KIF13A: variants seen among roughly 807,000 people sequenced by gnomAD.
KIF13A encodes kinesin-like protein KIF13A.
KIF13A carries 79 observed loss-of-function variants against 212.2 expected under a neutral mutation model. The ratio of observed to expected loss-of-function variants is 0.37; its 90% CI spans 0.31 to 0.45. The LOEUF is 0.45. Ranked by LOEUF, KIF13A falls within the 20% of genes least tolerant of loss-of-function variation. KIF13A has a pLI of 1.00. For synonymous variants in KIF13A, 789 were observed against 808.6 expected (o/e 0.98, Z 0.41); for missense variants, 1,901 against 2,209.0 (o/e 0.86, Z 2.79).
chr6:17,919,740 C>G lies in KIF13A; in HGVS notation c.147-21560G>C, dbSNP rs1452581468. 6.6e-6 allele frequency among the ~76,000 whole-genome samples: 1 copy of G among 152,112 alleles called. No individual in the cohort carries two copies. The highest frequency in any genetic ancestry group is 1.5e-5 in the Non-Finnish European group (1 of 68,022). ...CAGCCGAACGGTGTCTCCTGGCAGC[C>G]CAATACTGTGACAAGAGGTGAAAGC... On this transcript the variant is annotated intron_variant, in intron 2 of 38. Transcript: ENST00000259711. The surrounding 1 kb of genome is among the most constrained non-coding windows in gnomAD (Gnocchi z 4.1).
chr6:17,952,395 G>A (rs1777937617), intron 2 of KIF13A, among the ~76,000 whole-genome samples: 1 of 152,108 alleles, frequency 6.6e-6, no homozygotes, highest in African/African-American at 2.4e-5. Flanking sequence ...CACTGCGGGT[G>A]GCTGGGGTTG....
intron 23 of KIF13A, among the ~76,000 whole-genome samples, chr6:17,795,266 G>A (rs568518596): frequency 2.0e-5 from 3 of 152,072 alleles, no homozygotes; most frequent in Admixed American, 2.0e-4. Context: ...GCAATTTGGG[G>A]ATACCATGAA....
chr6:17,780,786 C>T lies in KIF13A; in HGVS notation c.3790G>A (p.Ala1264Thr). Residue 1264 changes from alanine (A) to threonine (T), a missense_variant, in exon 31 of 39, where the codon GCT becomes ACT. Around this residue, in one of 5 missense-constraint regions of KIF13A, gnomAD observed 687 missense variants for 759.1 expected, o/e 0.90. Coordinates refer to ENST00000259711, the MANE Select transcript of KIF13A (RefSeq NM_022113.6). ...TTTCGTAATACTAACTCCATAGCAG[C>T]AGGGTGGCTGAGTTGAACTGTGGTT... is the stretch of plus-strand genomic sequence containing the variant. ...VKTTVQLSHP[A>T]AMELVLRKRI... 1.2e-6 allele frequency: 2 copies of T among 1,614,004 alleles called. No individual in the cohort carries two copies. Among genetic ancestry groups the T allele is most frequent in the South Asian group, 1.1e-5 (1 of 91,090 alleles).
Position 17,984,567 on chromosome 6 carries a change from T to C in KIF13A, c.146+2487A>G, listed in dbSNP as rs1781381707. 2.0e-6 allele frequency: 2 copies of C among 984,282 alleles called. No individual in the cohort carries two copies. Among genetic ancestry groups the C allele is most frequent in the East Asian group, 1.1e-4 (1 of 8,826 alleles). The allele number at this position is 984,282 out of a possible 1,614,324, so 61.0% of individuals were successfully genotyped here. Reference sequence around the variant, plus strand: ...TTGGTTTTGTAAAATGGGGAAACAATGAAAGCTGACCCCATCTGTTTTTTT... The same window carrying C: ...TTGGTTTTGTAAAATGGGGAAACAACGAAAGCTGACCCCATCTGTTTTTTT... On this transcript the variant is annotated intron_variant, in intron 2 of 38. Transcript: ENST00000259711. This position sits in a 1 kb window ranked among gnomAD's most constrained non-coding sequence, Gnocchi z 5.0.
intron 2 of KIF13A, among the ~76,000 whole-genome samples, chr6:17,979,279 C>T (rs996840895): frequency 1.3e-5 from 2 of 152,068 alleles, no homozygotes; most frequent in African/African-American, 2.4e-5. Flanking sequence ...GGCGACAGAA[C>T]GAGACTCCAT....
chr6:17,921,518 T>C (rs555384371), intron 2 of KIF13A, among the ~76,000 whole-genome samples: 7 of 152,370 alleles, frequency 4.6e-5, no homozygotes, highest in Non-Finnish European at 1.0e-4. Flanking sequence ...TTTTTCTACA[T>C]TTGAAAATAA....
chr6:17,866,250 C>T (rs555932352), intron 4 of KIF13A, among the ~76,000 whole-genome samples: 5 of 152,012 alleles, frequency 3.3e-5, no homozygotes, highest in Non-Finnish European at 5.9e-5. Flanking sequence ...GTATTTGAGG[C>T]GAGGTTAAAA....
At position 17,987,167 on chromosome 6, in the gene KIF13A, G is replaced by A; in HGVS notation, c.56-23C>T. 4 of 1,576,998 alleles carry A rather than the reference G, an allele frequency of 2.5e-6. No homozygotes were observed. The highest frequency in any genetic ancestry group is 1.7e-5 in the Admixed American group (1 of 59,200). ...GTTCTGAAAGCAGAGAGAAAGGGAC[G>A]TTGCAAAGTCCAGCATCCGCGCCTC... is the stretch of plus-strand genomic sequence containing the variant. On this transcript the variant is annotated intron_variant, in intron 1 of 38. Transcript: ENST00000259711. This position sits in a 1 kb window ranked among gnomAD's most constrained non-coding sequence, Gnocchi z 7.7.
At chr6:17,901,538 G>A (rs1297763338) in intron 2 of KIF13A, among the ~76,000 whole-genome samples, 1 of 152,104 alleles carries the variant, frequency 6.6e-6, no homozygotes, top group East Asian at 1.9e-4. Flanking sequence ...ATATAATCAA[G>A]AATTTTCCAC....
Position 17,807,581 on chromosome 6 carries a change from T to C in KIF13A, c.2163+1187A>G, listed in dbSNP as rs1004336558. On this transcript the variant is annotated intron_variant, in intron 18 of 38. Transcript: ENST00000259711. The stretch of plus-strand genomic sequence containing the variant: ...ATGTGCACCACTGAACATAGACCCT[T>C]ATCAGTGGTTCTCCTTTTGCCTCTG... Among the ~76,000 whole-genome samples, 29 of 152,276 alleles carry C rather than the reference T, an allele frequency of 1.9e-4. 1 individual carries two copies. The highest frequency in any genetic ancestry group is 6.7e-4 in the African/African-American group (28 of 41,562).
rs1451861553 is a variant in KIF13A, at chr6:17,888,185, T to C, written c.159+9983A>G. Among the ~76,000 whole-genome samples, 1 of 152,172 alleles carries C rather than the reference T, an allele frequency of 6.6e-6. No individual in the cohort carries two copies. The highest frequency in any genetic ancestry group is 1.9e-4 in the East Asian group (1 of 5,198). On this transcript the variant is annotated intron_variant, in intron 3 of 38. Transcript: ENST00000259711. The surrounding 1 kb of genome is among the most constrained non-coding windows in gnomAD (Gnocchi z 4.8). ...CTATTTTCCACTACTTAGATTATAG[T>C]ATATCTAATCTTCCTTATCATGTTA...
intron 3 of KIF13A, among the ~76,000 whole-genome samples, chr6:17,885,065 T>C (rs993810618): frequency 6.6e-6 from 1 of 152,156 alleles, no homozygotes; most frequent in African/African-American, 2.4e-5. Context: ...CAAGTTTCAA[T>C]GCTTTTCTCT....
In KIF13A at chr6:17,781,163, T is replaced by TG; in HGVS notation, c.3669+13dup. 1.9e-6 allele frequency: 3 copies of TG among 1,613,782 alleles called. No individual in the cohort carries two copies. The highest frequency in any genetic ancestry group is 2.5e-6 in the Non-Finnish European group (3 of 1,179,800). On this transcript the variant is annotated intron_variant, in intron 30 of 38. Transcript: ENST00000259711. Reference sequence around the variant, plus strand: ...AATCTGAAGCCTTTTAAGAGAAACTTGGGGGTTAATTACCTCATCATCACT... The same window carrying TG: ...AATCTGAAGCCTTTTAAGAGAAACTTGGGGGGTTAATTACCTCATCATCACT...
At chr6:17,909,104 G>A (rs1052599750) in intron 2 of KIF13A, among the ~76,000 whole-genome samples, 20 of 152,248 alleles carry the variant, frequency 1.3e-4, no homozygotes, top group Admixed American at 6.5e-5. Context: ...TGCCATTGCT[G>A]TTGTTACAAC....
chr6:17,890,859 T>C (rs1020606880), intron 3 of KIF13A, among the ~76,000 whole-genome samples: 1 of 151,408 alleles, frequency 6.6e-6, no homozygotes, highest in Non-Finnish European at 1.5e-5. Context: ...AAGGTCTCCT[T>C]ATGTTGCCCA....
In KIF13A at chr6:17,918,478, C is replaced by T. The variant is rs774188606; in HGVS notation, c.147-20298G>A. ...AACTACTAATTTGGAGTCCTTTTCA[C>T]AGGAATGTGTTGCTGGTTTATTTAC... On this transcript the variant is annotated intron_variant, in intron 2 of 38. Coordinates refer to ENST00000259711, the MANE Select transcript of KIF13A (RefSeq NM_022113.6). The surrounding 1 kb of genome is among the most constrained non-coding windows in gnomAD (Gnocchi z 4.8). Among the ~76,000 whole-genome samples the T allele has an allele frequency of 2.6e-5, 4 of 152,148 alleles. No homozygotes were observed. Among genetic ancestry groups the T allele is most frequent in the Non-Finnish European group, 5.9e-5 (4 of 68,028 alleles).
chr6:17,880,473 A>T (rs1284008025), intron 3 of KIF13A, among the ~76,000 whole-genome samples: 1 of 151,810 alleles, frequency 6.6e-6, no homozygotes, highest in Non-Finnish European at 1.5e-5. Flanking sequence ...CTAAAGATAC[A>T]AAAAATTAGC....
chr6:17,975,285 G>A (rs774605981), intron 2 of KIF13A, among the ~76,000 whole-genome samples: 43 of 152,300 alleles, frequency 2.8e-4, no homozygotes, highest in South Asian at 2.1e-3. Context: ...TCTGGGAGGT[G>A]AAGGTTGCAA....
Position 17,764,963 on chromosome 6 carries a change from A to G in KIF13A, c.4582-17T>C, listed in dbSNP as rs891261661. 1.1e-5 allele frequency: 17 copies of G among 1,572,348 alleles called. No individual in the cohort carries two copies. In the African/African-American group the frequency reaches 1.4e-4, roughly 13 times the overall value. On this transcript the variant is annotated splice_polypyrimidine_tract_variant and intron_variant, in intron 38 of 38. Transcript: ENST00000259711. This position sits in a 1 kb window ranked among gnomAD's most constrained non-coding sequence, Gnocchi z 5.1. ...CTCAGAGTCCTATAGAAGTGAAGCA[A>G]AAGTCAGTCATTAGCTCCTTGTAGC...
Sources: allele counts gnomAD v4.1 joint callset (sites outside exome capture counted in the v4.1 genomes callset), GRCh38; gene constraint gnomAD v4.1.1; regional missense constraint gnomAD v4.1.1; non-coding constraint Gnocchi (gnomAD v3.1); transcripts MANE v1.5; gene names NCBI Gene and HGNC (gene_info 2026-07-23, HGNC 2026-07-21).